DGAT2L6: variants seen among roughly 807,000 people sequenced by gnomAD.
DGAT2L6 encodes the protein diacylglycerol O-acyltransferase 2 like 6.
DGAT2L6 carries 22 observed loss-of-function variants against 25.5 expected under a neutral mutation model. That is an observed-to-expected ratio of 0.86 (90% CI 0.62 to 1.23). The LOEUF is 1.23. Among genes scored for constraint, DGAT2L6 ranks in the 50% most tolerant of loss-of-function variants. The pLI is 0.00. For synonymous variants in DGAT2L6, 100 were observed against 94.7 expected (o/e 1.06, Z -0.32); for missense variants, 287 against 253.2 (o/e 1.13, Z -0.91).
At position 70,204,496 on chromosome X, in the gene DGAT2L6, A is replaced by G; in HGVS notation, c.839A>G (p.Asn280Ser). The change falls in exon 6 of 7, where the codon AAT becomes AGT. Residue 280 changes from asparagine (N) to serine (S), a missense_variant. Physicochemically the swap from Asn to Ser is conservative, Grantham distance 46. Transcript: ENST00000333026. Reference protein sequence around the residue: ...TRGSWGFLPFNRPITTVVGEP... With the variant: ...TRGSWGFLPFSRPITTVVGEP... ...GGATCCTGGGGCTTCCTGCCTTTCA[A>G]TCGGCCCATTACCACTGTTGGTGAG... 2 of 1,210,642 alleles carry G rather than the reference A, an allele frequency of 1.7e-6. No individual in the cohort carries two copies. Among genetic ancestry groups the G allele is most frequent in the South Asian group, 1.8e-5 (1 of 56,918 alleles).
At chrX:70,185,576 G>C (rs2085356908) in intron 1 of DGAT2L6, among the ~76,000 whole-genome samples, 1 of 112,018 alleles carries the variant, frequency 8.9e-6, no homozygotes, top group Admixed American at 9.5e-5. Context: ...GTGCTGAACA[G>C]AGTGCTGTTT....
At chrX:70,179,757 G>A (rs2085337628) in intron 1 of DGAT2L6, among the ~76,000 whole-genome samples, 3 of 108,541 alleles carry the variant, frequency 2.8e-5, no homozygotes, top group East Asian at 2.9e-4. Context: ...TAGTAGAGAC[G>A]GGGTATCGCC....
chrX:70,204,571 T>G (rs1287159453), intron 6 of DGAT2L6, 55 bp downstream of exon 6: 14 of 1,164,902 alleles, frequency 1.2e-5, no homozygotes, highest in Non-Finnish European at 1.6e-5. Flanking sequence ...TCCCACCCAC[T>G]TTAAATCATC....
intron 1 of DGAT2L6, among the ~76,000 whole-genome samples, chrX:70,185,883 T>G (rs766743694): frequency 8.0e-4 from 89 of 110,803 alleles, no homozygotes; most frequent in South Asian, 6.8e-3. Flanking sequence ...TTTTTGTTTT[T>G]TTTTTTTAAA....
intron 1 of DGAT2L6, among the ~76,000 whole-genome samples, chrX:70,196,561 G>C (rs1394296243): frequency 1.9e-5 from 2 of 105,272 alleles, no homozygotes; most frequent in Non-Finnish European, 2.0e-5. Context: ...AAATATAGGG[G>C]AAAAATCTTC....
At chrX:70,195,431 T>C (rs4844116) in intron 1 of DGAT2L6, among the ~76,000 whole-genome samples, 1 of 102,590 alleles carries the variant, frequency 9.7e-6, no homozygotes, top group Admixed American at 1.1e-4. Context: ...TCGACCTAAG[T>C]GTCCACTGGC....
At chrX:70,193,048 A>T (rs985836027) in intron 1 of DGAT2L6, among the ~76,000 whole-genome samples, 1 of 110,944 alleles carries the variant, frequency 9.0e-6, no homozygotes, top group Non-Finnish European at 1.9e-5. Flanking sequence ...ATAATCAAAA[A>T]CCTCCTAACA....
At chrX:70,191,529 A>C (rs926871841) in intron 1 of DGAT2L6, among the ~76,000 whole-genome samples, 1 of 111,899 alleles carries the variant, frequency 8.9e-6, no homozygotes, top group Non-Finnish European at 1.9e-5. Flanking sequence ...TATGGGACAC[A>C]ATAAGCAAAT....
intron 1 of DGAT2L6, among the ~76,000 whole-genome samples, chrX:70,192,672 T>C (rs367748880): frequency 9.0e-6 from 1 of 111,222 alleles, no homozygotes; most frequent in East Asian, 2.8e-4. Flanking sequence ...AAGTTTATCA[T>C]GATAAATACC....
chrX:70,196,486 C>CAAAA (rs751597708), intron 1 of DGAT2L6, among the ~76,000 whole-genome samples: 1,552 of 24,996 alleles, frequency 0.062, 19 homozygotes, highest in Non-Finnish European at 0.093. Flanking sequence ...GATCCTGTCT[C>CAAAA]AAAAAAAAAA....
chrX:70,196,503 G>GAAAAAAAAAAA (rs1164024384), intron 1 of DGAT2L6, among the ~76,000 whole-genome samples: 54 of 70,554 alleles, frequency 7.7e-4, no homozygotes, highest in Middle Eastern at 8.1e-3. Context: ...AAAAAAAAAA[G>GAAAAAAAAAAA]AAAGAAAAAA....
intron 1 of DGAT2L6, among the ~76,000 whole-genome samples, chrX:70,179,817 C>T (rs1030961109): frequency 9.1e-6 from 1 of 110,357 alleles, no homozygotes; most frequent in Non-Finnish European, 1.9e-5. Flanking sequence ...ATCCGCCGAC[C>T]TAGGCCTCCC....
intron 1 of DGAT2L6, among the ~76,000 whole-genome samples, chrX:70,192,247 A>C (rs1323331790): frequency 8.9e-6 from 1 of 111,751 alleles, no homozygotes; most frequent in Non-Finnish European, 1.9e-5. Context: ...ATGAGACCCC[A>C]TCTCTAACAA....
At chrX:70,179,203 T>G (rs2085335721) in intron 1 of DGAT2L6, among the ~76,000 whole-genome samples, 1 of 112,485 alleles carries the variant, frequency 8.9e-6, no homozygotes, top group Non-Finnish European at 1.9e-5. Context: ...CAAAACATGC[T>G]AAGCCCATTG....
chrX:70,181,560 T>C (rs1374974710), intron 1 of DGAT2L6, among the ~76,000 whole-genome samples: 2 of 111,992 alleles, frequency 1.8e-5, no homozygotes, highest in African/African-American at 6.5e-5. Flanking sequence ...CCAACAGTTA[T>C]AGATTAAATA....
At position 70,199,340 on chromosome X, in the gene DGAT2L6, C is replaced by T; in HGVS notation, c.155C>T (p.Ser52Phe). The change falls in exon 2 of 7, where the codon TCC becomes TTC. Residue 52 changes from serine (S) to phenylalanine (F), a missense_variant. Coordinates refer to ENST00000333026, the MANE Select transcript of DGAT2L6 (RefSeq NM_198512.3). ...AAGTTCTGGCCCTTGGCTGTGCTCT[C>T]CTTAGCCTGGCTCACCTATGATTGG... is the stretch of plus-strand genomic sequence containing the variant. ...FSKFWPLAVL[S>F]LAWLTYDWNT... The T allele has an allele frequency of 1.7e-6, 2 of 1,195,068 alleles. No individual in the cohort carries two copies. The highest frequency in any genetic ancestry group is 2.3e-6 in the Non-Finnish European group (2 of 886,028).
chrX:70,181,980 G>A (rs984096313), intron 1 of DGAT2L6, among the ~76,000 whole-genome samples: 1 of 111,378 alleles, frequency 9.0e-6, no homozygotes, highest in Non-Finnish European at 1.9e-5. Context: ...AGAAATGTCT[G>A]CCTTCCTCCC....
intron 1 of DGAT2L6, among the ~76,000 whole-genome samples, chrX:70,186,549 C>T (rs2085360316): frequency 9.0e-6 from 1 of 111,496 alleles, no homozygotes; most frequent in African/African-American, 3.3e-5. Flanking sequence ...CAAAGGTGGT[C>T]GGGCCCGTTT....
At chrX:70,198,700 G>A (rs886536477) in intron 1 of DGAT2L6, among the ~76,000 whole-genome samples, 7 of 111,218 alleles carry the variant, frequency 6.3e-5, no homozygotes, top group African/African-American at 2.3e-4. Context: ...CACCATGCCC[G>A]GCTAATTTTT....
Sources: gnomAD v4.1 joint callset for allele counts (sites outside exome capture counted in the v4.1 genomes callset) on GRCh38, gnomAD v4.1.1 for gene constraint, MANE v1.5 for transcripts, NCBI Gene and HGNC (gene_info 2026-07-23, HGNC 2026-07-21) for gene names.